HEPHL1: variants seen among roughly 807,000 people sequenced by gnomAD.
HEPHL1 encodes ferroxidase HEPHL1.
In HEPHL1, 123 loss-of-function variants were observed where a neutral mutation model predicts 122.0. That is an observed-to-expected ratio of 1.01 (90% CI 0.87 to 1.17). The LOEUF is 1.17. Ranked by LOEUF, HEPHL1 falls within the 50% of genes most tolerant of loss-of-function variation. The pLI is 0.00. For synonymous variants in HEPHL1, 527 were observed against 508.9 expected (o/e 1.04, Z -0.48); for missense variants, 1,452 against 1,430.5 (o/e 1.01, Z -0.24).
At chr11:94,092,910 A>G (rs1003712593) in intron 12 of HEPHL1, among the ~76,000 whole-genome samples, 11 of 152,168 alleles carry the variant, frequency 7.2e-5, no homozygotes, top group African/African-American at 2.7e-4. Context: ...AGTTATCACA[A>G]TGACTTTCTA....
intron 1 of HEPHL1, among the ~76,000 whole-genome samples, chr11:94,031,563 C>A (rs543008031): frequency 6.6e-6 from 1 of 152,304 alleles, no homozygotes; most frequent in South Asian, 2.1e-4. Flanking sequence ...CTATCAAAAT[C>A]ATTCTCTAAT....
chr11:94,089,136 G>A (rs1031295212), intron 12 of HEPHL1, among the ~76,000 whole-genome samples, 168 bp downstream of exon 12: 1 of 152,204 alleles, frequency 6.6e-6, no homozygotes, highest in African/African-American at 2.4e-5. Flanking sequence ...CTCGGCCTCC[G>A]GAAGGCAGCG....
At chr11:94,087,306 A>G (rs558138108) in intron 11 of HEPHL1, among the ~76,000 whole-genome samples, 4 of 152,336 alleles carry the variant, frequency 2.6e-5, no homozygotes, top group Non-Finnish European at 5.9e-5. Flanking sequence ...GCTGCCCAGA[A>G]TAATTTTAGA....
At chr11:94,085,886 A>G (rs548416148) in intron 10 of HEPHL1, 91 bp from the exon 11 acceptor site, 14 of 913,842 alleles carry the variant, frequency 1.5e-5, no homozygotes, top group Middle Eastern at 4.3e-4. Flanking sequence ...TTCTCTGAAA[A>G]CAAGGATCTT....
chr11:94,091,746 G>A (rs72968751), intron 12 of HEPHL1, among the ~76,000 whole-genome samples: 2,285 of 152,278 alleles, frequency 0.015, 87 homozygotes, highest in East Asian at 0.13. Flanking sequence ...GGGCTTCTGG[G>A]AGGAAGTAGT....
intron 9 of HEPHL1, among the ~76,000 whole-genome samples, chr11:94,078,077 C>T (rs2134436778): frequency 6.6e-6 from 1 of 152,294 alleles, no homozygotes; most frequent in Admixed American, 6.5e-5. Context: ...CCTTGCCTAT[C>T]TTATCTTCCT....
intron 13 of HEPHL1, among the ~76,000 whole-genome samples, chr11:94,096,158 G>C (rs992326917): frequency 9.2e-5 from 14 of 152,140 alleles, no homozygotes; most frequent in African/African-American, 3.4e-4. Flanking sequence ...CTGTCGGTTT[G>C]TCATAGATAG....
chr11:94,054,746 A>T (rs963943567), intron 2 of HEPHL1, among the ~76,000 whole-genome samples: 1 of 152,206 alleles, frequency 6.6e-6, no homozygotes, highest in African/African-American at 2.4e-5. Context: ...CCTAGGCTGG[A>T]GCTACAGTAG....
chr11:94,098,644 G>A (rs929792793), intron 13 of HEPHL1, among the ~76,000 whole-genome samples: 1 of 152,144 alleles, frequency 6.6e-6, no homozygotes, highest in Non-Finnish European at 1.5e-5. Context: ...TCACTTTCAG[G>A]TACACCAGTC....
rs200434187 is a variant in HEPHL1 at position 94,111,849 on chromosome 11, T to C, written c.3435T>C (p.Asp1145=). 1 of 1,533,104 alleles carries C rather than the reference T, an allele frequency of 6.5e-7. No individual in the cohort carries two copies. Among genetic ancestry groups the C allele is most frequent in the Non-Finnish European group, 8.8e-7 (1 of 1,142,580 alleles). The allele number at this position is 1,533,104 out of a possible 1,614,324, so 95.0% of individuals were successfully genotyped here. ...LRLCSAMKQT[D]YQQVQSCALP... is the part of the protein sequence containing the mutation. The stretch of plus-strand genomic sequence containing the variant: ...TCTGCTCTGCAATGAAGCAGACAGA[T>C]TACCAGCAAGTCCAGTCCTGTGCTC... The change falls in exon 20 of 20, where the codon GAT becomes GAC. Residue 1145 remains aspartate, a synonymous_variant. Coordinates refer to ENST00000315765, the MANE Select transcript of HEPHL1 (RefSeq NM_001098672.2).
chr11:94,111,113 T>C (rs1397700149), intron 18 of HEPHL1, 48 bp downstream of exon 18: 8 of 1,501,846 alleles, frequency 5.3e-6, no homozygotes, highest in Non-Finnish European at 6.3e-6. Flanking sequence ...GAGCTTCCTG[T>C]AGACCCCCAA....
chr11:94,056,105 A>T, intron 2 of HEPHL1: 2 of 296,118 alleles, frequency 6.8e-6, no homozygotes, highest in Non-Finnish European at 6.4e-6. Flanking sequence ...TTTTCCTGAT[A>T]TATTGACCCT....
Position 94,093,944 on chromosome 11 carries a change from G to A in HEPHL1, c.2434+304G>A, listed in dbSNP as rs564223540. Among the ~76,000 whole-genome samples the A allele has an allele frequency of 5.0e-3, 625 of 125,360 alleles. 7 individuals carry two copies. Among genetic ancestry groups the A allele is most frequent in the African/African-American group, 0.018 (601 of 33,654 alleles). The allele number at this position is 125,360 out of a possible 152,430, so 82.2% of individuals were successfully genotyped here. On this transcript the variant is annotated intron_variant, in intron 13 of 19. Transcript: ENST00000315765. ...TCTTTCCAACCCCTATACTGAGCCA[G>A]GAAATTTTCTTTTAAATCCTCCAGC...
At chr11:94,098,955 C>T (rs556733816) in intron 13 of HEPHL1, among the ~76,000 whole-genome samples, 259 of 152,274 alleles carry the variant, frequency 1.7e-3, no homozygotes, top group Admixed American at 4.5e-3. Flanking sequence ...GCGATGGGTT[C>T]GAACATCCTC....
intron 1 of HEPHL1, among the ~76,000 whole-genome samples, chr11:94,043,514 C>T (rs372243024): frequency 5.9e-5 from 9 of 151,990 alleles, no homozygotes; most frequent in Non-Finnish European, 1.0e-4. Context: ...AGAAATTTGG[C>T]GTGCTTATAG....
Position 94,064,494 on chromosome 11 carries a change from G to T in HEPHL1, c.792G>T (p.Arg264Ser). 1.2e-6 allele frequency: 2 copies of T among 1,612,362 alleles called. No individual in the cohort carries two copies. The highest frequency in any genetic ancestry group is 1.1e-5 in the South Asian group (1 of 90,894). ...SVDKKDAVFQ[R>S]SNKMHALNGY... The stretch of plus-strand genomic sequence containing the variant: ...ACAAGAAAGATGCTGTTTTCCAGAG[G>T]AGTAACAAAATGCATGGTGAGTACC... The change falls in exon 4 of 20, where the codon AGG becomes AGT. Residue 264 changes from arginine to serine, a missense_variant. Arg to Ser is a moderately radical substitution (Grantham distance 110). Transcript: ENST00000315765.
At chr11:94,109,269 G>C (rs1289884852) in intron 17 of HEPHL1, among the ~76,000 whole-genome samples, 1 of 152,026 alleles carries the variant, frequency 6.6e-6, no homozygotes, top group Non-Finnish European at 1.5e-5. Context: ...AGATTTTAGG[G>C]GGATTTTCTA....
At chr11:94,100,370 G>A (rs1194475833) in intron 13 of HEPHL1, among the ~76,000 whole-genome samples, 3 of 152,126 alleles carry the variant, frequency 2.0e-5, no homozygotes, top group Non-Finnish European at 4.4e-5. Context: ...TAGGGATCAG[G>A]CACTTCTGAA....
intron 1 of HEPHL1, among the ~76,000 whole-genome samples, chr11:94,039,403 A>G (rs936312557): frequency 5.9e-5 from 9 of 152,068 alleles, no homozygotes; most frequent in Non-Finnish European, 1.0e-4. Context: ...TCCACCCCAA[A>G]TCAACAGAAT....
Sources: allele counts gnomAD v4.1 joint callset (sites outside exome capture counted in the v4.1 genomes callset), GRCh38; gene constraint gnomAD v4.1.1; transcripts MANE v1.5; gene names NCBI Gene and HGNC (gene_info 2026-07-23, HGNC 2026-07-21).